ARHGEF4: variants seen among roughly 807,000 people sequenced by gnomAD.
ARHGEF4 encodes the protein Rho guanine nucleotide exchange factor 4, also known as APC-stimulated guanine nucleotide exchange factor 1.
A neutral mutation model predicts 162.0 loss-of-function variants in ARHGEF4; 119 were observed. The ratio of observed to expected loss-of-function variants is 0.73; its 90% confidence interval spans 0.63 to 0.86. The LOEUF is 0.86. Among genes scored for constraint, ARHGEF4 ranks in the 40% least tolerant of loss-of-function variants. The probability of loss-of-function intolerance (pLI) is 0.00; values close to 1 mark genes in which losing one functional copy is unlikely to be tolerated. For synonymous variants in ARHGEF4, 1,014 were observed against 979.9 expected (o/e 1.03, Z -0.65); for missense variants, 2,488 against 2,456.0 (o/e 1.01, Z -0.28).
intron 4 of ARHGEF4, among the ~76,000 whole-genome samples, chr2:130,950,695 C>A (rs572528917): frequency 4.7e-5 from 7 of 149,584 alleles, no homozygotes; most frequent in African/African-American, 1.2e-4. Flanking sequence ...TACCCCCCAC[C>A]ACCACCCGAA....
At chr2:130,924,241 C>G (rs542364728) in intron 2 of ARHGEF4, among the ~76,000 whole-genome samples, 21 of 150,760 alleles carry the variant, frequency 1.4e-4, no homozygotes, top group African/African-American at 4.9e-4. Flanking sequence ...ATTTAACCCT[C>G]ACAGTTTCAC....
chr2:130,962,866 T>A (rs957870670), intron 4 of ARHGEF4, among the ~76,000 whole-genome samples: 14 of 152,142 alleles, frequency 9.2e-5, no homozygotes, highest in Admixed American at 3.3e-4. Flanking sequence ...TTAGCCGCTA[T>A]CACGACTGCC....
At chr2:130,911,578 T>G (rs190698677) in intron 1 of ARHGEF4, among the ~76,000 whole-genome samples, 30 of 152,366 alleles carry the variant, frequency 2.0e-4, no homozygotes, top group Middle Eastern at 6.8e-3. Context: ...TTTGATGTAC[T>G]CATTGAATTT....
chr2:130,912,278 G>A (rs926867774), intron 1 of ARHGEF4, among the ~76,000 whole-genome samples: 6 of 152,250 alleles, frequency 3.9e-5, no homozygotes, highest in South Asian at 2.1e-4. Context: ...CTGGCCCCAC[G>A]GAGGCAGCGG....
intron 4 of ARHGEF4, among the ~76,000 whole-genome samples, chr2:131,004,531 A>T (rs1687988772): frequency 6.6e-6 from 1 of 152,088 alleles, no homozygotes; most frequent in African/African-American, 2.4e-5. Context: ...CAAAGTAAGG[A>T]GACAGCCACT....
chr2:130,867,286 T>A (rs1052243468), intron 1 of ARHGEF4, among the ~76,000 whole-genome samples: 1 of 151,980 alleles, frequency 6.6e-6, no homozygotes, highest in Non-Finnish European at 1.5e-5. Flanking sequence ...ATCACCAGGC[T>A]GGAGTGCAGT....
At chr2:130,887,034 C>T (rs559445472) in intron 1 of ARHGEF4, among the ~76,000 whole-genome samples, 2 of 152,140 alleles carry the variant, frequency 1.3e-5, no homozygotes, top group South Asian at 4.1e-4. Context: ...TGATTACTGT[C>T]ACTTTATAGT....
chr2:130,992,133 C>G (rs1212835670), intron 4 of ARHGEF4, among the ~76,000 whole-genome samples: 10 of 152,056 alleles, frequency 6.6e-5, no homozygotes, highest in South Asian at 2.1e-4. Flanking sequence ...CTGATGGGGA[C>G]GAGGCGAACC....
chr2:131,043,060 TTAATTTTAATA>T (rs1690942761), intron 10 of ARHGEF4, among the ~76,000 whole-genome samples: 1 of 152,182 alleles, frequency 6.6e-6, no homozygotes, highest in Admixed American at 6.5e-5. Flanking sequence ...ACAAGTGAAT[TTAATTTTAATA>T]ATGTTTCATT....
At chr2:130,919,597 C>T (rs1681741156) in intron 2 of ARHGEF4, among the ~76,000 whole-genome samples, 1 of 152,150 alleles carries the variant, frequency 6.6e-6, no homozygotes, top group African/African-American at 2.4e-5. Flanking sequence ...TGATATAGGC[C>T]ATGCGTGGTG....
intron 4 of ARHGEF4, among the ~76,000 whole-genome samples, chr2:131,026,581 A>C (rs995282070): frequency 2.0e-5 from 3 of 152,230 alleles, no homozygotes; most frequent in African/African-American, 4.8e-5. Context: ...TCAATAGACA[A>C]ATGGGTAAAA....
At chr2:130,998,435 A>T (rs542088025) in intron 4 of ARHGEF4, among the ~76,000 whole-genome samples, 14 of 152,232 alleles carry the variant, frequency 9.2e-5, no homozygotes, top group African/African-American at 3.4e-4. Flanking sequence ...CCATACAGAG[A>T]AATTTCAGTG....
At chr2:131,020,459 G>T (rs560873786) in intron 4 of ARHGEF4, among the ~76,000 whole-genome samples, 2 of 151,308 alleles carry the variant, frequency 1.3e-5, no homozygotes, top group East Asian at 1.9e-4. Context: ...TTGTCCTTGC[G>T]ATAGTTTGCT....
chr2:130,948,204 C>T (rs1683736138), intron 4 of ARHGEF4, among the ~76,000 whole-genome samples: 1 of 152,230 alleles, frequency 6.6e-6, no homozygotes, highest in African/African-American at 2.4e-5. Flanking sequence ...TCTGACTCAG[C>T]ACATTCGAGG....
chr2:130,931,856 T>A (rs1316657643), intron 3 of ARHGEF4, among the ~76,000 whole-genome samples: 1 of 152,218 alleles, frequency 6.6e-6, no homozygotes, highest in African/African-American at 2.4e-5. Flanking sequence ...ATATCAAGTG[T>A]TTGTGAAGTA....
At chr2:130,854,091 A>G (rs994220192) in intron 1 of ARHGEF4, among the ~76,000 whole-genome samples, 9 of 152,232 alleles carry the variant, frequency 5.9e-5, no homozygotes, top group Admixed American at 5.2e-4. Flanking sequence ...AAGCCAAGAA[A>G]CATGACCAAT....
At chr2:130,843,393 G>T (rs924976256) in intron 1 of ARHGEF4, among the ~76,000 whole-genome samples, 1 of 152,252 alleles carries the variant, frequency 6.6e-6, no homozygotes, top group African/African-American at 2.4e-5. Flanking sequence ...ACCCTACAGA[G>T]GCTGGTCTCC....
chr2:131,044,086 C>A (rs570537408), intron 11 of ARHGEF4, among the ~76,000 whole-genome samples: 1 of 152,284 alleles, frequency 6.6e-6, no homozygotes, highest in South Asian at 2.1e-4. Flanking sequence ...CTAGTCAGTA[C>A]CTGCAAAATA....
Position 131,045,357 on chromosome 2 carries a change from C to A in ARHGEF4, c.5402-12C>A, listed in dbSNP as rs1691156446. On this transcript the variant is annotated splice_polypyrimidine_tract_variant and intron_variant, in intron 12 of 13. Coordinates refer to ENST00000409359, the MANE Select transcript of ARHGEF4 (RefSeq NM_001367493.1). ...AAGTGGGGCAGCGCCCTCACCTGTG[C>A]CCCTTCCTCAGGCTTCTCCATCACT... The A allele has an allele frequency of 1.2e-6, 2 of 1,610,976 alleles. No individual in the cohort carries two copies. The highest frequency in any genetic ancestry group is 1.1e-5 in the South Asian group (1 of 90,836).
Sources: gnomAD v4.1 joint callset for allele counts (sites outside exome capture counted in the v4.1 genomes callset) on GRCh38, gnomAD v4.1.1 for gene constraint, MANE v1.5 for transcripts, NCBI Gene and HGNC (gene_info 2026-07-23, HGNC 2026-07-21) for gene names.